CD109: variants seen among roughly 807,000 people sequenced by gnomAD.
CD109 encodes CD109 antigen.
In CD109, 149 loss-of-function variants were observed where a neutral mutation model predicts 165.8. The ratio of observed to expected loss-of-function variants is 0.90; its 90% CI spans 0.79 to 1.03. The LOEUF is 1.03. Ranked by LOEUF, CD109 falls within the 50% of genes least tolerant of loss-of-function variation. The probability of loss-of-function intolerance (pLI) is 0.00; values close to 1 mark genes in which losing one functional copy is unlikely to be tolerated. For synonymous variants in CD109, 585 were observed against 592.1 expected (o/e 0.99, Z 0.18); for missense variants, 1,712 against 1,677.8 (o/e 1.02, Z -0.36).
intron 5 of CD109, among the ~76,000 whole-genome samples, chr6:73,750,254 A>G (rs1249680317): frequency 2.6e-5 from 4 of 152,158 alleles, no homozygotes; most frequent in African/African-American, 4.8e-5. Context: ...GAAGTTAGGG[A>G]TGGAAGCTCA....
chr6:73,748,239 G>GT (rs912512540), intron 5 of CD109, among the ~76,000 whole-genome samples: 4 of 151,652 alleles, frequency 2.6e-5, no homozygotes, highest in African/African-American at 4.8e-5. Flanking sequence ...TCTGCATTTG[G>GT]TTTTTTTCCC....
At chr6:73,755,212 A>G (rs1449842959) in intron 5 of CD109, among the ~76,000 whole-genome samples, 1 of 152,254 alleles carries the variant, frequency 6.6e-6, no homozygotes, top group Admixed American at 6.5e-5. Context: ...TAATGTTACT[A>G]TATGATATGA....
chr6:73,805,356 A>G (rs1001856898), intron 24 of CD109, among the ~76,000 whole-genome samples: 2 of 152,258 alleles, frequency 1.3e-5, no homozygotes, highest in Non-Finnish European at 2.9e-5. Context: ...ACACATAAAC[A>G]TCTCAATGCC....
chr6:73,777,280 T>A (rs12662440), intron 15 of CD109, among the ~76,000 whole-genome samples: 29 of 56,900 alleles, frequency 5.1e-4, no homozygotes, highest in Admixed American at 1.4e-3. Context: ...CTTAAAAAAA[T>A]TTTTTTTTTC....
intron 31 of CD109, 110 bp from the exon 32 acceptor site, chr6:73,820,351 C>T (rs3764240): frequency 0.029 from 17,376 of 592,688 alleles, 342 homozygotes; most frequent in Non-Finnish European, 0.035. Flanking sequence ...TAGAAATCCT[C>T]CCTAAGTGTT....
chr6:73,705,923 A>C (rs1771249480), intron 2 of CD109, among the ~76,000 whole-genome samples: 1 of 152,192 alleles, frequency 6.6e-6, no homozygotes, highest in Non-Finnish European at 1.5e-5. Context: ...AGTTGAAAGG[A>C]GAGAGGTGGA....
intron 6 of CD109, among the ~76,000 whole-genome samples, chr6:73,757,353 A>G (rs760861567): frequency 6.6e-6 from 1 of 152,168 alleles, no homozygotes; most frequent in African/African-American, 2.4e-5. Context: ...TTACTACTCA[A>G]TTTTGCCGTG....
intron 22 of CD109, 40 bp downstream of exon 22, chr6:73,788,652 A>G: frequency 6.6e-7 from 1 of 1,509,806 alleles, no homozygotes; most frequent in Non-Finnish European, 9.1e-7. Context: ...GTTTAATTGT[A>G]TATGATCATA....
intron 3 of CD109, among the ~76,000 whole-genome samples, chr6:73,723,640 A>T (rs536555499): frequency 6.6e-6 from 1 of 152,278 alleles, no homozygotes; most frequent in East Asian, 1.9e-4. Context: ...CTAAAATAGG[A>T]ACAGAAAACT....
intron 2 of CD109, among the ~76,000 whole-genome samples, chr6:73,711,096 A>T (rs1771521329): frequency 6.6e-6 from 1 of 152,146 alleles, no homozygotes; most frequent in Non-Finnish European, 1.5e-5. Context: ...TAGGCTGTGG[A>T]TTGCTGACCC....
At position 73,705,255 on chromosome 6, in the gene CD109, T is replaced by G. The variant is rs967971994; in HGVS notation, c.247+7683T>G. 9.2e-5 allele frequency among the ~76,000 whole-genome samples: 14 copies of G among 152,116 alleles called. No individual in the cohort carries two copies. The East Asian group carries it at 2.7e-3, about 29-fold the overall frequency. ...CATAGAGGCAGACAATATTTTGAAG[T>G]CCTGGAAATACATAAGATGCACAAG... is the stretch of plus-strand genomic sequence containing the variant. On this transcript the variant is annotated intron_variant, in intron 2 of 32. Coordinates refer to ENST00000287097, the MANE Select transcript of CD109 (RefSeq NM_133493.5).
At chr6:73,739,273 A>C (rs2173853) in intron 5 of CD109, among the ~76,000 whole-genome samples, 1 of 151,946 alleles carries the variant, frequency 6.6e-6, no homozygotes, top group Admixed American at 6.6e-5. Flanking sequence ...CCCTTAAAAA[A>C]AAGAGCCCTT....
chr6:73,745,599 A>G (rs1230826575), intron 5 of CD109, among the ~76,000 whole-genome samples: 2 of 152,208 alleles, frequency 1.3e-5, no homozygotes, highest in Non-Finnish European at 2.9e-5. Context: ...GTTTAGATTG[A>G]AGATTTGAGT....
intron 2 of CD109, among the ~76,000 whole-genome samples, chr6:73,707,007 T>C (rs1771294007): frequency 6.6e-6 from 1 of 152,228 alleles, no homozygotes; most frequent in Non-Finnish European, 1.5e-5. Flanking sequence ...GGCACAATGC[T>C]GGGTGACATA....
At chr6:73,815,564 GTTT>G (rs1006709985) in intron 30 of CD109, among the ~76,000 whole-genome samples, 1 of 151,458 alleles carries the variant, frequency 6.6e-6, no homozygotes, top group Non-Finnish European at 1.5e-5. Flanking sequence ...CAAGAGGATA[GTTT>G]TTTTTTAGGT....
chr6:73,771,647 C>T, intron 15 of CD109, 66 bp downstream of exon 15: 5 of 1,152,070 alleles, frequency 4.3e-6, no homozygotes, highest in Non-Finnish European at 6.0e-6. Flanking sequence ...CTTTATTGTA[C>T]TACTTTAAAT....
At position 73,697,496 on chromosome 6, in the gene CD109, T is replaced by G; in HGVS notation, c.171T>G (p.Thr57=). The G allele has an allele frequency of 1.2e-6, 2 of 1,614,148 alleles. No individual in the cohort carries two copies. Among genetic ancestry groups the G allele is most frequent in the Non-Finnish European group, 1.7e-6 (2 of 1,180,004 alleles). The change falls in exon 2 of 33, where the codon ACT becomes ACG. Residue 57 remains threonine, a synonymous_variant. Coordinates refer to ENST00000287097, the MANE Select transcript of CD109 (RefSeq NM_133493.5). ...TGGAACACTGCCCTTCACAGGTGAC[T>G]GTGAAGGCGGAGCTGCTCAAGACAG... The part of the protein sequence containing the change: ...ELLEHCPSQV[T]VKAELLKTAS...
intron 31 of CD109, among the ~76,000 whole-genome samples, chr6:73,820,013 T>C (rs961580855): frequency 2.0e-5 from 3 of 152,204 alleles, no homozygotes; most frequent in Admixed American, 6.5e-5. Context: ...TAGGCTGGCT[T>C]TGTGTACCCC....
intron 3 of CD109, among the ~76,000 whole-genome samples, chr6:73,728,512 C>T (rs192312230): frequency 9.3e-4 from 141 of 152,304 alleles, no homozygotes; most frequent in African/African-American, 3.2e-3. Flanking sequence ...TTTTACTATA[C>T]TTGCTCTATC....
Sources: gnomAD v4.1 joint callset for allele counts (sites outside exome capture counted in the v4.1 genomes callset) on GRCh38, gnomAD v4.1.1 for gene constraint, MANE v1.5 for transcripts, NCBI Gene and HGNC (gene_info 2026-07-23, HGNC 2026-07-21) for gene names.